Variants in LRP8 observed in about 807,000 individuals in gnomAD.
LRP8 encodes low-density lipoprotein receptor-related protein 8.
A neutral mutation model predicts 111.6 loss-of-function variants in LRP8; 46 were observed. That is an observed-to-expected ratio of 0.41 (90% CI 0.33 to 0.53). The LOEUF (loss-of-function observed/expected upper bound fraction) is 0.53, where lower values mean the gene tolerates loss of function less well. LRP8 is among the 20% of genes least tolerant of loss of function. The probability of loss-of-function intolerance (pLI) is 0.20; values close to 1 mark genes in which losing one functional copy is unlikely to be tolerated. For missense variants in LRP8, 959 were observed against 1,297.4 expected (o/e 0.74, Z 4.01); for synonymous variants, 464 against 511.2 (o/e 0.91, Z 1.24).
In LRP8 at chr1:53,260,622, C is replaced by T. The variant is rs571882969; in HGVS notation, c.1915-17G>A. On this transcript the variant is annotated splice_polypyrimidine_tract_variant and intron_variant, in intron 12 of 18. Transcript: ENST00000306052. ...CACCTTGTCCTGTGGGGTATAGATG[C>T]AGAGGATGGGAGGCCTGGAGTGTAA... The T allele has an allele frequency of 6.2e-7, 1 of 1,612,602 alleles. No homozygotes were observed. Among genetic ancestry groups the T allele is most frequent in the South Asian group, 1.1e-5 (1 of 90,900 alleles).
chr1:53,268,832 C>T (rs1017526623), intron 8 of LRP8, among the ~76,000 whole-genome samples: 1 of 152,268 alleles, frequency 6.6e-6, no homozygotes, highest in Non-Finnish European at 1.5e-5. Context: ...CTGGCCTTTG[C>T]ACTATATCTG....
At chr1:53,271,460 G>A in intron 6 of LRP8, 114 bp from the exon 7 acceptor site, 1 of 1,198,958 alleles carries the variant, frequency 8.3e-7, no homozygotes, top group South Asian at 1.4e-5. Context: ...TCCCATAGAG[G>A]CAGGAGGGCT....
chr1:53,261,276 T>C (rs1030015058), intron 12 of LRP8, among the ~76,000 whole-genome samples: 1 of 152,272 alleles, frequency 6.6e-6, no homozygotes, highest in Admixed American at 6.5e-5. Flanking sequence ...ATACTTTACA[T>C]GTACATGCCA....
intron 16 of LRP8, among the ~76,000 whole-genome samples, chr1:53,254,661 G>C (rs1646013908): frequency 6.6e-6 from 1 of 152,126 alleles, no homozygotes; most frequent in Non-Finnish European, 1.5e-5. Context: ...CATAGTAGCT[G>C]CTTAATAAAT....
intron 2 of LRP8, among the ~76,000 whole-genome samples, chr1:53,299,669 CTG>C (rs1273370518): frequency 1.3e-5 from 2 of 152,244 alleles, no homozygotes; most frequent in African/African-American, 4.8e-5. Flanking sequence ...AAGTATCACT[CTG>C]TGATATCGCT....
intron 15 of LRP8, among the ~76,000 whole-genome samples, chr1:53,255,834 T>G (rs1255051088): frequency 6.6e-6 from 1 of 152,216 alleles, no homozygotes; most frequent in Admixed American, 6.5e-5. Context: ...AATGGTGATA[T>G]TACCTACCTC....
At chr1:53,251,329 A>G (rs973313923) in intron 16 of LRP8, among the ~76,000 whole-genome samples, 2 of 152,160 alleles carry the variant, frequency 1.3e-5, no homozygotes, top group African/African-American at 4.8e-5. Flanking sequence ...TTTCTCTAAG[A>G]AAACGATTCT....
intron 16 of LRP8, among the ~76,000 whole-genome samples, chr1:53,253,619 C>T (rs1645971263): frequency 6.6e-6 from 1 of 152,138 alleles, no homozygotes; most frequent in Non-Finnish European, 1.5e-5. Context: ...CATATATCTG[C>T]CTCTTTCTAT....
Position 53,260,614 on chromosome 1 carries a change from T to C in LRP8, c.1915-9A>G. The C allele has an allele frequency of 6.2e-7, 1 of 1,613,400 alleles. No individual in the cohort carries two copies. The highest frequency in any genetic ancestry group is 8.5e-7 in the Non-Finnish European group (1 of 1,179,534). ...GTCCAGAACACCTTGTCCTGTGGGG[T>C]ATAGATGCAGAGGATGGGAGGCCTG... On this transcript the variant is annotated splice_polypyrimidine_tract_variant and intron_variant, in intron 12 of 18. Transcript: ENST00000306052.
chr1:53,308,996 C>T (rs775123255), intron 2 of LRP8, among the ~76,000 whole-genome samples: 16 of 152,150 alleles, frequency 1.1e-4, no homozygotes, highest in Non-Finnish European at 1.8e-4. Context: ...ATCCATGGGC[C>T]GGGCACGGTG....
chr1:53,327,378 T>C (rs1655283536), intron 1 of LRP8: 2 of 264,532 alleles, frequency 7.6e-6, no homozygotes, highest in East Asian at 8.5e-5. Context: ...GCCCCCTCTC[T>C]CTCCGCCGCG....
At chr1:53,252,289 G>A (rs1184381273) in intron 16 of LRP8, among the ~76,000 whole-genome samples, 1 of 152,102 alleles carries the variant, frequency 6.6e-6, no homozygotes, top group Non-Finnish European at 1.5e-5. Context: ...CAACATTTTG[G>A]GAGGCTGAGG....
chr1:53,287,893 A>G (rs998040853), intron 3 of LRP8: 1 of 143,090 alleles, frequency 7.0e-6, no homozygotes, highest in Middle Eastern at 3.4e-3. Context: ...CAGGGAAGGG[A>G]GGCAGCCCAA....
intron 6 of LRP8, among the ~76,000 whole-genome samples, chr1:53,273,552 A>G (rs531290004): frequency 1.3e-5 from 2 of 152,344 alleles, no homozygotes; most frequent in South Asian, 4.1e-4. Context: ...ACGAGAGAGA[A>G]GAGAGGGATT....
chr1:53,287,664 T>C (rs796284271), intron 3 of LRP8, among the ~76,000 whole-genome samples: 3 of 152,278 alleles, frequency 2.0e-5, no homozygotes, highest in African/African-American at 7.2e-5. Context: ...CTGTGTGTTT[T>C]TGAAGGAAGT....
At chr1:53,252,010 C>A (rs1266499740) in intron 16 of LRP8, among the ~76,000 whole-genome samples, 1 of 148,892 alleles carries the variant, frequency 6.7e-6, no homozygotes, top group Non-Finnish European at 1.5e-5. Flanking sequence ...CCACTGCACT[C>A]CAGCCTGGGC....
At position 53,262,029 on chromosome 1, in the gene LRP8, G is replaced by C; in HGVS notation, c.1914+39C>G. ...TTGAACAAGCATTTTCTAGGCTTCAGCTTCCTAGTGGGCCCTTGCCTCTCC... is the reference window on the plus strand; with the variant it reads ...TTGAACAAGCATTTTCTAGGCTTCACCTTCCTAGTGGGCCCTTGCCTCTCC... On this transcript the variant is annotated intron_variant, in intron 12 of 18. Transcript: ENST00000306052. The surrounding 1 kb of genome is among the most constrained non-coding windows in gnomAD (Gnocchi z 4.8). The C allele has an allele frequency of 6.2e-7, 1 of 1,605,670 alleles. No homozygotes were observed. Among genetic ancestry groups the C allele is most frequent in the South Asian group, 1.1e-5 (1 of 90,138 alleles).
At chr1:53,290,367 A>C (rs1039248941) in intron 2 of LRP8, among the ~76,000 whole-genome samples, 7 of 152,062 alleles carry the variant, frequency 4.6e-5, no homozygotes, top group African/African-American at 1.2e-4. Context: ...ACATTTTCTT[A>C]TCTATATAAT....
rs1018532853 is a variant in LRP8 at position 53,266,977 on chromosome 1, G to A, written c.1253-330C>T. The A allele has an allele frequency of 2.4e-5, 6 of 253,876 alleles. No homozygotes were observed. The highest frequency in any genetic ancestry group is 4.7e-5 in the Non-Finnish European group (6 of 128,286). 15.7% of individuals were successfully genotyped at this position (253,876 alleles called of 1,614,324 possible). On this transcript the variant is annotated intron_variant, in intron 8 of 18. Coordinates refer to ENST00000306052, the MANE Select transcript of LRP8 (RefSeq NM_004631.5). The surrounding 1 kb of genome is among the most constrained non-coding windows in gnomAD (Gnocchi z 5.0). ...AGTTCCCTGTCCAGCCTCATTACTC[G>A]CCTCTCCAACATAGCTTGATTCCAC...
Sources: allele counts gnomAD v4.1 joint callset (sites outside exome capture counted in the v4.1 genomes callset), GRCh38; gene constraint gnomAD v4.1.1; non-coding constraint Gnocchi (gnomAD v3.1); transcripts MANE v1.5; gene names NCBI Gene and HGNC (gene_info 2026-07-23, HGNC 2026-07-21).